ZNF420: variants seen among roughly 807,000 people sequenced by gnomAD.
ZNF420 encodes ATM and p53-associated KZNF protein.
A neutral mutation model predicts 44.7 loss-of-function variants in ZNF420; 31 were observed. The observed-to-expected ratio is 0.69, with a 90% confidence interval of 0.52 to 0.94. The LOEUF is 0.94. Among genes scored for constraint, ZNF420 ranks in the 40% least tolerant of loss-of-function variants. ZNF420 has a pLI of 0.00. For missense variants in ZNF420, 681 were observed against 827.9 expected (o/e 0.82, Z 2.18); for synonymous variants, 245 against 267.4 (o/e 0.92, Z 0.82).
chr19:37,126,797 C>T (rs1971367119), intron 4 of ZNF420, among the ~76,000 whole-genome samples: 1 of 151,402 alleles, frequency 6.6e-6, no homozygotes, highest in Non-Finnish European at 1.5e-5. Context: ...TGAGATCCTT[C>T]TTAGCTAATT....
At chr19:37,059,794 T>TTCTC (rs545964943) in intron 1 of ZNF420, among the ~76,000 whole-genome samples, 21 of 149,436 alleles carry the variant, frequency 1.4e-4, no homozygotes, top group Admixed American at 7.3e-4. Flanking sequence ...CTCTGTCTCT[T>TTCTC]TCTCTCTCTC....
chr19:37,104,094 T>C (rs1311892672), intron 4 of ZNF420, among the ~76,000 whole-genome samples: 7 of 152,038 alleles, frequency 4.6e-5, no homozygotes, highest in Non-Finnish European at 1.0e-4. Context: ...ACTCGTCATT[T>C]ACATTAGGTA....
intron 1 of ZNF420, among the ~76,000 whole-genome samples, chr19:37,038,844 G>A (rs969935027): frequency 6.6e-6 from 1 of 152,092 alleles, no homozygotes; most frequent in Non-Finnish European, 1.5e-5. Flanking sequence ...AACATTAGCC[G>A]GAATGGCAGT....
chr19:37,046,623 A>C (rs1341440173), intron 1 of ZNF420, among the ~76,000 whole-genome samples: 2 of 152,220 alleles, frequency 1.3e-5, no homozygotes, highest in Non-Finnish European at 2.9e-5. Context: ...CAGGAAAAAA[A>C]GACAGAGGAA....
chr19:37,056,637 C>T (rs546976475), intron 1 of ZNF420, among the ~76,000 whole-genome samples: 1 of 152,300 alleles, frequency 6.6e-6, no homozygotes, highest in South Asian at 2.1e-4. Context: ...CGCCTTGAGG[C>T]CCATGGGATC....
intron 1 of ZNF420, among the ~76,000 whole-genome samples, chr19:37,012,035 C>G (rs1441762025): frequency 6.6e-6 from 1 of 152,216 alleles, no homozygotes; most frequent in Non-Finnish European, 1.5e-5. Flanking sequence ...GCCCGCCTCA[C>G]AGATGAGGTG....
chr19:37,042,725 A>G (rs1967477784), intron 1 of ZNF420, among the ~76,000 whole-genome samples: 1 of 152,086 alleles, frequency 6.6e-6, no homozygotes. Flanking sequence ...TAGCACTTTT[A>G]ATTTCCTTTG....
intron 1 of ZNF420, among the ~76,000 whole-genome samples, chr19:37,067,022 T>C (rs910898027): frequency 1.3e-5 from 2 of 152,178 alleles, no homozygotes; most frequent in Admixed American, 6.6e-5. Context: ...AACATTATAC[T>C]GAGTGAAAGA....
In ZNF420 at chr19:37,121,854, A is replaced by G. The variant is rs1223583528; in HGVS notation, c.137-5274A>G. On this transcript the variant is annotated intron_variant, in intron 4 of 4. Coordinates refer to ENST00000337995, the MANE Select transcript of ZNF420 (RefSeq NM_144689.5). Reference sequence around the variant, plus strand: ...AAAGAAGACATTTATGCAGCCAAAAAACACATGAAAAAATGCTCATCATCA... The same window carrying G: ...AAAGAAGACATTTATGCAGCCAAAAGACACATGAAAAAATGCTCATCATCA... 4.6e-5 allele frequency among the ~76,000 whole-genome samples: 7 copies of G among 151,892 alleles called. No individual in the cohort carries two copies. In the East Asian group the frequency reaches 5.8e-4, roughly 13 times the overall value.
At chr19:37,097,046 C>G (rs1213595495) in intron 4 of ZNF420, among the ~76,000 whole-genome samples, 1 of 151,850 alleles carries the variant, frequency 6.6e-6, no homozygotes, top group Non-Finnish European at 1.5e-5. Flanking sequence ...CTACAGGCAC[C>G]TGCCACCACA....
intron 4 of ZNF420, among the ~76,000 whole-genome samples, chr19:37,117,321 G>A (rs557589621): frequency 2.1e-4 from 32 of 149,872 alleles, no homozygotes; most frequent in South Asian, 1.7e-3. Flanking sequence ...TACAGCCACC[G>A]CTGTTCTGCA....
At chr19:37,016,338 C>T (rs1375063177) in intron 1 of ZNF420, among the ~76,000 whole-genome samples, 1 of 152,206 alleles carries the variant, frequency 6.6e-6, no homozygotes, top group Non-Finnish European at 1.5e-5. Flanking sequence ...AAGGGACTGG[C>T]AGTTGACTGG....
chr19:37,056,857 C>G (rs951849962), intron 1 of ZNF420, among the ~76,000 whole-genome samples: 1 of 152,196 alleles, frequency 6.6e-6, no homozygotes, highest in Non-Finnish European at 1.5e-5. Context: ...ACAGCCCTCT[C>G]TCCCACGTCG....
At chr19:37,031,801 T>G (rs989289510) in intron 1 of ZNF420, among the ~76,000 whole-genome samples, 2 of 152,206 alleles carry the variant, frequency 1.3e-5, no homozygotes, top group African/African-American at 4.8e-5. Context: ...TTTGCCCGGT[T>G]TTTCTCTTAC....
intron 1 of ZNF420, among the ~76,000 whole-genome samples, chr19:37,058,314 T>C (rs1967795764): frequency 6.6e-6 from 1 of 152,152 alleles, no homozygotes; most frequent in Non-Finnish European, 1.5e-5. Flanking sequence ...GCTGGGTGGA[T>C]TGCCTAGAAT....
At chr19:37,118,875 G>A (rs1469714081) in intron 4 of ZNF420, among the ~76,000 whole-genome samples, 2 of 152,020 alleles carry the variant, frequency 1.3e-5, no homozygotes, top group Non-Finnish European at 2.9e-5. Context: ...GACAAAGAAG[G>A]CCATTACATA....
intron 1 of ZNF420, among the ~76,000 whole-genome samples, chr19:37,060,110 C>T (rs1476896726): frequency 6.6e-6 from 1 of 152,080 alleles, no homozygotes; most frequent in Non-Finnish European, 1.5e-5. Context: ...GGAGATGCGT[C>T]GGTCCCAGAG....
intron 1 of ZNF420, among the ~76,000 whole-genome samples, chr19:37,014,889 A>C (rs1348282710): frequency 6.6e-6 from 1 of 152,130 alleles, no homozygotes; most frequent in Non-Finnish European, 1.5e-5. Flanking sequence ...AGGCTGAAGA[A>C]ACGTCAAGCA....
At chr19:37,029,456 C>T (rs1568423586) in intron 1 of ZNF420, among the ~76,000 whole-genome samples, 1 of 152,174 alleles carries the variant, frequency 6.6e-6, no homozygotes, top group Non-Finnish European at 1.5e-5. Context: ...TTCTCTCATG[C>T]ACTCCAGTCA....
Sources: gnomAD v4.1 joint callset for allele counts (sites outside exome capture counted in the v4.1 genomes callset) on GRCh38, gnomAD v4.1.1 for gene constraint, MANE v1.5 for transcripts, NCBI Gene and HGNC (gene_info 2026-07-23, HGNC 2026-07-21) for gene names.